Variants in KMO observed in about 807,000 individuals in gnomAD.
KMO encodes the protein kynurenine 3-monooxygenase.
Under a neutral mutation model 57.8 loss-of-function variants are expected in KMO, and 24 were observed. The ratio of observed to expected loss-of-function variants is 0.42; its 90% confidence interval spans 0.30 to 0.58. The LOEUF is 0.58. Ranked by LOEUF, KMO falls within the 20% of genes least tolerant of loss-of-function variation. The probability of loss-of-function intolerance (pLI) is 0.22; values close to 1 mark genes in which losing one functional copy is unlikely to be tolerated. For synonymous variants in KMO, 210 were observed against 193.6 expected (o/e 1.08, Z -0.70); for missense variants, 483 against 588.2 (o/e 0.82, Z 1.85).
At chr1:241,583,478 T>G (rs1263401973) in intron 10 of KMO, among the ~76,000 whole-genome samples, 1 of 152,138 alleles carries the variant, frequency 6.6e-6, no homozygotes, top group Non-Finnish European at 1.5e-5. Context: ...GGTGCTTTAT[T>G]TTATTGTGGC....
At chr1:241,533,519 G>A (rs1385071788) in intron 1 of KMO, among the ~76,000 whole-genome samples, 1 of 152,126 alleles carries the variant, frequency 6.6e-6, no homozygotes, top group Non-Finnish European at 1.5e-5. Flanking sequence ...ATTTAGAAAT[G>A]CTATCACATG....
rs750939969 is a variant in KMO at position 241,551,015 on chromosome 1, T to C, written c.283T>C (p.Ser95Pro). 1 of 1,562,010 alleles carries C rather than the reference T, an allele frequency of 6.4e-7. No homozygotes were observed. The change falls in exon 4 of 15, where the codon TCT becomes CCT. Residue 95 changes from serine to proline, a missense_variant. By Grantham distance (74) the Ser-to-Pro change is moderately conservative (BLOSUM62 -1). Coordinates refer to ENST00000366559, the MANE Select transcript of KMO (RefSeq NM_003679.5). Reference sequence around the variant, plus strand: ...GATCCACTCTCTTTCAGGAAAAAAGTCTGCAATTCCCTATGGGACAAAGTC... The same window carrying C: ...GATCCACTCTCTTTCAGGAAAAAAGCCTGCAATTCCCTATGGGACAAAGTC... ...RMIHSLSGKKSAIPYGTKSQY... is the reference protein window; with the variant it reads ...RMIHSLSGKKPAIPYGTKSQY...
chr1:241,588,879 C>A, intron 12 of KMO, 49 bp downstream of exon 12: 2 of 1,318,744 alleles, frequency 1.5e-6, no homozygotes, highest in Non-Finnish European at 2.2e-6. Flanking sequence ...CACTGATATT[C>A]TAACAAGTGT....
intron 9 of KMO, among the ~76,000 whole-genome samples, chr1:241,567,085 G>C (rs1291868202): frequency 1.3e-5 from 2 of 152,202 alleles, no homozygotes; most frequent in Admixed American, 6.5e-5. Context: ...GACTAAATGA[G>C]ATCGTGTCTA....
intron 11 of KMO, among the ~76,000 whole-genome samples, chr1:241,588,329 C>CTTT (rs57587351): frequency 2.0e-5 from 2 of 98,388 alleles, no homozygotes; most frequent in African/African-American, 3.9e-5. Context: ...TCTTTTTTTT[C>CTTT]TTTTTTTTTT....
chr1:241,541,368 A>G (rs573628388), intron 1 of KMO, among the ~76,000 whole-genome samples: 1 of 152,342 alleles, frequency 6.6e-6, no homozygotes, highest in East Asian at 1.9e-4. Context: ...GATATGAAAT[A>G]TATAAGGAGG....
At chr1:241,591,874 C>T in intron 14 of KMO, 79 bp from the exon 15 acceptor site, 1 of 1,156,568 alleles carries the variant, frequency 8.6e-7, no homozygotes, top group Non-Finnish European at 1.3e-6. Flanking sequence ...TTGTTTACCC[C>T]TTTGTTGTTA....
At chr1:241,570,143 G>T (rs1278684734) in intron 10 of KMO, among the ~76,000 whole-genome samples, 1 of 151,862 alleles carries the variant, frequency 6.6e-6, no homozygotes, top group Non-Finnish European at 1.5e-5. Flanking sequence ...TTGTCAGATG[G>T]GTAGTTTGCA....
intron 10 of KMO, among the ~76,000 whole-genome samples, chr1:241,573,188 T>C (rs1158225038): frequency 6.6e-6 from 1 of 152,168 alleles, no homozygotes; most frequent in Non-Finnish European, 1.5e-5. Context: ...CGTTTTGCCC[T>C]GTTGCCCAGG....
intron 14 of KMO, among the ~76,000 whole-genome samples, chr1:241,591,565 A>T (rs1663302321): frequency 6.6e-6 from 1 of 152,012 alleles, no homozygotes; most frequent in Admixed American, 6.6e-5. Flanking sequence ...CCAGGCCACC[A>T]CTCTTCTCCT....
chr1:241,549,202 GAAGAAAGAAAGAAAGAAAGAAAGAAAGA>G (rs71570903), intron 2 of KMO, among the ~76,000 whole-genome samples: 250 of 19,956 alleles, frequency 0.013, 4 homozygotes, highest in African/African-American at 0.037. Flanking sequence ...GAAAGAAAAG[GAAGAAAGAAAGAAAGAAAGAAAGAAAGA>G]AAGAAAGAAA....
chr1:241,585,891 C>T (rs1262959320), intron 10 of KMO, among the ~76,000 whole-genome samples: 3 of 151,828 alleles, frequency 2.0e-5, no homozygotes, highest in Non-Finnish European at 4.4e-5. Flanking sequence ...TAGTATAGTA[C>T]ATTACTAATT....
intron 6 of KMO, 100 bp downstream of exon 6, chr1:241,560,852 A>G: frequency 2.5e-6 from 2 of 803,886 alleles, no homozygotes; most frequent in Non-Finnish European, 4.3e-6. Context: ...GAGTTAAAAG[A>G]TTATTGAAAG....
At chr1:241,545,327 C>T (rs1157503177) in intron 1 of KMO, among the ~76,000 whole-genome samples, 3 of 152,052 alleles carry the variant, frequency 2.0e-5, no homozygotes, top group African/African-American at 7.2e-5. Flanking sequence ...GCTAGGCTTG[C>T]CAAAATAAAT....
chr1:241,540,895 C>T (rs909346539), intron 1 of KMO, among the ~76,000 whole-genome samples: 3 of 151,934 alleles, frequency 2.0e-5, no homozygotes, highest in Non-Finnish European at 4.4e-5. Flanking sequence ...AAGATCCTGT[C>T]TCTACAAAAA....
At chr1:241,577,999 C>T (rs1301358844) in intron 10 of KMO, among the ~76,000 whole-genome samples, 1 of 152,122 alleles carries the variant, frequency 6.6e-6, no homozygotes, top group African/African-American at 2.4e-5. Flanking sequence ...CAGACAGGCA[C>T]CTCTTTCCAT....
intron 9 of KMO, among the ~76,000 whole-genome samples, chr1:241,567,413 T>G (rs1290798077): frequency 6.6e-6 from 1 of 152,172 alleles, no homozygotes; most frequent in Non-Finnish European, 1.5e-5. Flanking sequence ...TGGGGTCCCT[T>G]TTATAAAAGC....
chr1:241,578,047 TGA>T (rs1356307926), intron 10 of KMO, among the ~76,000 whole-genome samples: 1 of 152,146 alleles, frequency 6.6e-6, no homozygotes, highest in African/African-American at 2.4e-5. Flanking sequence ...AGAGGAGTTG[TGA>T]CTCTCCCTCT....
At chr1:241,583,674 A>G (rs1573937232) in intron 10 of KMO, among the ~76,000 whole-genome samples, 1 of 152,212 alleles carries the variant, frequency 6.6e-6, no homozygotes, top group Middle Eastern at 3.2e-3. Context: ...TGTCATGTAT[A>G]TAATTGTTAT....
Sources: gnomAD v4.1 joint callset for allele counts (sites outside exome capture counted in the v4.1 genomes callset) on GRCh38, gnomAD v4.1.1 for gene constraint, MANE v1.5 for transcripts, NCBI Gene and HGNC (gene_info 2026-07-23, HGNC 2026-07-21) for gene names.